DNAH14: variants seen among roughly 807,000 people sequenced by gnomAD.
The protein encoded by DNAH14 is dynein axonemal heavy chain 14, also known as axonemal beta dynein heavy chain 14.
Under a neutral mutation model 520.9 loss-of-function variants are expected in DNAH14, and 478 were observed. That is an observed-to-expected ratio of 0.92 (90% CI 0.85 to 0.99). The LOEUF (loss-of-function observed/expected upper bound fraction) is 0.99, where lower values mean the gene tolerates loss of function less well. Ranked by LOEUF, DNAH14 falls within the 50% of genes least tolerant of loss-of-function variation. DNAH14 has a pLI of 0.00. For missense variants in DNAH14, 4,831 were observed against 5,234.5 expected (o/e 0.92, Z 2.38); for synonymous variants, 1,581 against 1,757.2 (o/e 0.90, Z 2.51).
At chr1:225,108,623 T>A (rs1466487358) in intron 23 of DNAH14, among the ~76,000 whole-genome samples, 1 of 152,188 alleles carries the variant, frequency 6.6e-6, no homozygotes, top group Non-Finnish European at 1.5e-5. Flanking sequence ...TAATCCCTTG[T>A]CAGATGGATA....
Position 225,117,679 on chromosome 1 carries a change from G to A in DNAH14, c.3868-5G>A. ...CTGAATTGCATTTCTTTTGATTCTG[G>A]ACAGGATTACCTTGAAGTTAAAAGA... is the stretch of plus-strand genomic sequence containing the variant. On this transcript the variant is annotated splice_region_variant and splice_polypyrimidine_tract_variant and intron_variant, in intron 23 of 85. Transcript: ENST00000682510. 3 of 1,510,304 alleles carry A rather than the reference G, an allele frequency of 2.0e-6. No individual in the cohort carries two copies. The highest frequency in any genetic ancestry group is 2.7e-6 in the Non-Finnish European group (3 of 1,117,144). 93.6% of individuals were successfully genotyped at this position (1,510,304 alleles called of 1,614,324 possible).
intron 44 of DNAH14, among the ~76,000 whole-genome samples, chr1:225,255,059 A>C (rs1384329473): frequency 1.3e-5 from 2 of 152,224 alleles, no homozygotes; most frequent in African/African-American, 4.8e-5. Flanking sequence ...TAAGATATTG[A>C]TATGTAAATC....
chr1:225,015,703 ATAC>A (rs1273194576), intron 10 of DNAH14, among the ~76,000 whole-genome samples: 4 of 152,242 alleles, frequency 2.6e-5, no homozygotes, highest in African/African-American at 7.2e-5. Context: ...AGCAAATGAT[ATAC>A]TAATAATCAA....
At chr1:225,215,535 G>A (rs1487807963) in intron 41 of DNAH14, among the ~76,000 whole-genome samples, 1 of 151,800 alleles carries the variant, frequency 6.6e-6, no homozygotes, top group Non-Finnish European at 1.5e-5. Flanking sequence ...TTATTCTATG[G>A]GAGTCTAAGT....
chr1:225,100,913 A>G, intron 23 of DNAH14, 29 bp downstream of exon 23: 1 of 1,435,940 alleles, frequency 7.0e-7, no homozygotes, highest in Non-Finnish European at 9.2e-7. Context: ...TAAAGCAGTG[A>G]ATCATTTAAC....
chr1:225,099,728 G>C (rs923008482), intron 22 of DNAH14, among the ~76,000 whole-genome samples: 3 of 152,174 alleles, frequency 2.0e-5, no homozygotes, highest in Non-Finnish European at 4.4e-5. Context: ...AGGAATGGTT[G>C]TAAGAGGTCA....
intron 23 of DNAH14, among the ~76,000 whole-genome samples, chr1:225,101,276 T>A (rs1231494850): frequency 6.6e-6 from 1 of 152,022 alleles, no homozygotes; most frequent in Admixed American, 6.6e-5. Flanking sequence ...ACATGATATA[T>A]TTTAAAGCAG....
At chr1:224,982,292 G>A (rs527678977) in intron 8 of DNAH14, among the ~76,000 whole-genome samples, 2 of 152,268 alleles carry the variant, frequency 1.3e-5, no homozygotes, top group Admixed American at 1.3e-4. Flanking sequence ...ACCTCTCTTG[G>A]TGTGCAGGCA....
chr1:225,014,138 T>C (rs1319026380), intron 10 of DNAH14, among the ~76,000 whole-genome samples: 2 of 152,126 alleles, frequency 1.3e-5, no homozygotes, highest in Non-Finnish European at 2.9e-5. Flanking sequence ...ATGGGAAAAG[T>C]GTAGCATCTG....
At position 225,398,628 on chromosome 1, in the gene DNAH14, T is replaced by G. The variant is rs543508342; in HGVS notation, c.13600T>G (p.Cys4534Gly). 8 of 1,551,742 alleles carry G rather than the reference T, an allele frequency of 5.2e-6. No individual in the cohort carries two copies. In the South Asian group the frequency reaches 7.1e-5, roughly 14 times the overall value. The stretch of plus-strand genomic sequence containing the variant: ...GGAAGACTCGCTGCCTCTGGAGATG[T>G]GCTGTGATTTTCCCGACATATACTT... ...ILEDSLPLEM[C>G]CDFPDIYFLP... The change falls in exon 85 of 86, where the codon TGC becomes GGC. Residue 4534 changes from cysteine (C) to glycine (G), a missense_variant. Cys to Gly is a radical substitution (Grantham distance 159). Coordinates refer to ENST00000682510, the MANE Select transcript of DNAH14 (RefSeq NM_001367479.1).
At position 225,144,472 on chromosome 1, in the gene DNAH14, C is replaced by T. The variant is rs1313269511; in HGVS notation, c.4584C>T (p.Gly1528=). 2 of 1,551,352 alleles carry T rather than the reference C, an allele frequency of 1.3e-6. No individual in the cohort carries two copies. The highest frequency in any genetic ancestry group is 1.7e-6 in the Non-Finnish European group (2 of 1,146,980). The change falls in exon 29 of 86, where the codon GGC becomes GGT. Residue 1528 remains glycine, a synonymous_variant. Transcript: ENST00000682510. ...VSQGNASFTY[G]YEYLGCTSRL... ...AAGGAAATGCCAGCTTTACTTATGG[C>T]TATGAGTACTTGGGCTGTACCTCAA... is the stretch of plus-strand genomic sequence containing the variant.
At chr1:225,304,659 A>G (rs184124317) in intron 57 of DNAH14, among the ~76,000 whole-genome samples, 87 of 150,636 alleles carry the variant, frequency 5.8e-4, no homozygotes, top group Non-Finnish European at 5.1e-4. Flanking sequence ...CAAAAGTGAG[A>G]GTAACATACG....
chr1:225,080,774 C>T, intron 19 of DNAH14, 26 bp downstream of exon 19: 1 of 1,484,550 alleles, frequency 6.7e-7, no homozygotes, highest in African/African-American at 1.4e-5. Context: ...TCAAATTTTC[C>T]CACCTAGGTC....
intron 8 of DNAH14, among the ~76,000 whole-genome samples, chr1:224,980,075 T>A (rs2062153635): frequency 6.6e-6 from 1 of 152,148 alleles, no homozygotes; most frequent in South Asian, 2.1e-4. Flanking sequence ...CTGTGGTGGC[T>A]ATAGTGAGAC....
At chr1:225,020,519 A>C (rs1433087397) in intron 10 of DNAH14, among the ~76,000 whole-genome samples, 20 of 145,144 alleles carry the variant, frequency 1.4e-4, no homozygotes, top group African/African-American at 4.8e-4. Context: ...AAAAAAAACA[A>C]CTCAAAGGCT....
At chr1:225,345,878 C>G (rs777083252) in intron 69 of DNAH14, 84 bp from the exon 70 acceptor site, 5 of 1,207,946 alleles carry the variant, frequency 4.1e-6, no homozygotes, top group Non-Finnish European at 5.7e-6. Context: ...AGTACAAACC[C>G]TTACACAAAG....
chr1:225,388,003 G>T (rs1452438243), intron 81 of DNAH14, among the ~76,000 whole-genome samples: 1 of 152,112 alleles, frequency 6.6e-6, no homozygotes, highest in Non-Finnish European at 1.5e-5. Flanking sequence ...TAGACAGTGG[G>T]TGGCATTTAT....
chr1:225,143,755 T>C (rs565937912), intron 28 of DNAH14, among the ~76,000 whole-genome samples: 1 of 152,322 alleles, frequency 6.6e-6, no homozygotes, highest in East Asian at 1.9e-4. Context: ...CAAAATATTG[T>C]TTGATACTTT....
intron 8 of DNAH14, among the ~76,000 whole-genome samples, chr1:224,993,761 C>T (rs977273505): frequency 6.6e-6 from 1 of 151,740 alleles, no homozygotes; most frequent in African/African-American, 2.4e-5. Flanking sequence ...TTTCTGAAGG[C>T]GTAACATTAA....
Sources: gnomAD v4.1 joint callset for allele counts (sites outside exome capture counted in the v4.1 genomes callset) on GRCh38, gnomAD v4.1.1 for gene constraint, MANE v1.5 for transcripts, NCBI Gene and HGNC (gene_info 2026-07-23, HGNC 2026-07-21) for gene names.